Variants in HMGN3 observed in about 807,000 individuals in gnomAD.
HMGN3 encodes high mobility group nucleosomal binding domain 3.
In HMGN3, 6 loss-of-function variants were observed where a neutral mutation model predicts 18.8. That is an observed-to-expected ratio of 0.32 (90% CI 0.18 to 0.63). The LOEUF (loss-of-function observed/expected upper bound fraction) is 0.63. Among genes scored for constraint, HMGN3 ranks in the 30% least tolerant of loss-of-function variants. HMGN3 has a pLI of 0.79. For missense variants in HMGN3, 107 were observed against 114.2 expected (o/e 0.94, Z 0.29); for synonymous variants, 40 against 36.5 (o/e 1.10, Z -0.35).
chr6:79,212,263 C>T lies in HMGN3; in HGVS notation c.66+2709G>A, dbSNP rs191332059. On this transcript the variant is annotated intron_variant, in intron 2 of 5. Coordinates refer to ENST00000344726, the Ensembl canonical transcript of HMGN3. ...TGGTTCTGCTATTTACAAGTTCTAA[C>T]ACCCAGGGAAAATCATGTTTCTCTG... is the stretch of plus-strand genomic sequence containing the variant. Among the ~76,000 whole-genome samples the T allele has an allele frequency of 2.0e-3, 302 of 152,298 alleles. 1 individual carries two copies. The highest frequency in any genetic ancestry group is 6.8e-3 in the Middle Eastern group (2 of 294).
chr6:79,213,453 A>C (rs1776799514), intron 2 of HMGN3, among the ~76,000 whole-genome samples: 1 of 146,496 alleles, frequency 6.8e-6, no homozygotes, highest in Non-Finnish European at 1.5e-5. Context: ...CTAAGGAAAA[A>C]CCCAAATGCT....
intron 1 of HMGN3, among the ~76,000 whole-genome samples, chr6:79,224,336 A>C (rs1777454396): frequency 6.6e-6 from 1 of 152,218 alleles, no homozygotes; most frequent in Non-Finnish European, 1.5e-5. Context: ...CTAGAAGAGC[A>C]AAAGCCTTCC....
intron 3 of HMGN3, among the ~76,000 whole-genome samples, chr6:79,206,694 GT>G (rs1776438318): frequency 6.6e-6 from 1 of 152,240 alleles, no homozygotes; most frequent in Non-Finnish European, 1.5e-5. Flanking sequence ...GAACTGCCTA[GT>G]GGAGCTGTGA....
At chr6:79,224,449 C>T (rs1026980914) in intron 1 of HMGN3, among the ~76,000 whole-genome samples, 4 of 152,154 alleles carry the variant, frequency 2.6e-5, no homozygotes, top group African/African-American at 9.7e-5. Context: ...GAAATAATAA[C>T]AAACAATAAC....
chr6:79,232,617 C>A (rs1391410189), intron 1 of HMGN3, among the ~76,000 whole-genome samples: 1 of 148,948 alleles, frequency 6.7e-6, no homozygotes, highest in Non-Finnish European at 1.5e-5. Flanking sequence ...TTTTTTTTTC[C>A]TTCCGTCTCC....
At chr6:79,213,823 A>T (rs1776818625) in intron 2 of HMGN3, among the ~76,000 whole-genome samples, 1 of 152,220 alleles carries the variant, frequency 6.6e-6, no homozygotes, top group Non-Finnish European at 1.5e-5. Context: ...TAACCACATT[A>T]TGAATCACCC....
chr6:79,221,163 G>A (rs1221869232), intron 1 of HMGN3, among the ~76,000 whole-genome samples: 1 of 151,978 alleles, frequency 6.6e-6, no homozygotes, highest in Non-Finnish European at 1.5e-5. Context: ...ACATAACTAG[G>A]TTTACTCACA....
chr6:79,226,070 A>T (rs6931935), intron 1 of HMGN3, among the ~76,000 whole-genome samples: 1 of 152,104 alleles, frequency 6.6e-6, no homozygotes, highest in Non-Finnish European at 1.5e-5. Flanking sequence ...AAACATATAC[A>T]GAAAGTATTA....
chr6:79,225,344 C>T (rs746117433), intron 1 of HMGN3, among the ~76,000 whole-genome samples: 8 of 152,146 alleles, frequency 5.3e-5, no homozygotes, highest in Non-Finnish European at 1.0e-4. Context: ...ATCACTTGTA[C>T]ATTTAAAAAA....
At chr6:79,215,688 C>T (rs1450973952) in intron 1 of HMGN3, among the ~76,000 whole-genome samples, 1 of 152,126 alleles carries the variant, frequency 6.6e-6, no homozygotes, top group Non-Finnish European at 1.5e-5. Context: ...AAACCTGATT[C>T]CTTTAAAGGA....
intron 3 of HMGN3, among the ~76,000 whole-genome samples, chr6:79,204,458 G>T (rs550086580): frequency 6.6e-6 from 1 of 152,334 alleles, no homozygotes; most frequent in East Asian, 1.9e-4. Flanking sequence ...CCAGGGGCCT[G>T]AGACCAGGTG....
intron 2 of HMGN3, among the ~76,000 whole-genome samples, chr6:79,212,836 A>G (rs935445155): frequency 6.6e-6 from 1 of 152,180 alleles, no homozygotes; most frequent in South Asian, 2.1e-4. Context: ...GGAAAGAAAA[A>G]AAATCAATCA....
chr6:79,204,046 T>C (rs1776283152), intron 3 of HMGN3, among the ~76,000 whole-genome samples: 2 of 152,220 alleles, frequency 1.3e-5, no homozygotes, highest in African/African-American at 4.8e-5. Flanking sequence ...GCACAATCAC[T>C]AGCAAAGCCC....
intron 1 of HMGN3, among the ~76,000 whole-genome samples, chr6:79,224,725 CG>C: frequency 6.6e-6 from 1 of 152,278 alleles, no homozygotes; most frequent in Middle Eastern, 3.4e-3. Flanking sequence ...GCTTCCAAGA[CG>C]TCAAGTGACC....
At chr6:79,231,631 A>G (rs1170389918) in intron 1 of HMGN3, among the ~76,000 whole-genome samples, 1 of 152,244 alleles carries the variant, frequency 6.6e-6, no homozygotes, top group Non-Finnish European at 1.5e-5. Context: ...AGATGATATT[A>G]TAGCCCTGAA....
At chr6:79,202,208 G>T in intron 5 of HMGN3, 53 bp from the exon 6 acceptor site, 1 of 1,611,552 alleles carries the variant, frequency 6.2e-7, no homozygotes. Flanking sequence ...TGCTATCACC[G>T]GCTGAAGGAT....
At chr6:79,227,193 A>G (rs1303947605) in intron 1 of HMGN3, among the ~76,000 whole-genome samples, 3 of 152,234 alleles carry the variant, frequency 2.0e-5, no homozygotes, top group Middle Eastern at 3.2e-3. Context: ...AAATATAGGA[A>G]AAGAGGATCA....
At chr6:79,231,055 A>G (rs564441640) in intron 1 of HMGN3, among the ~76,000 whole-genome samples, 11 of 152,222 alleles carry the variant, frequency 7.2e-5, no homozygotes, top group Non-Finnish European at 1.5e-4. Flanking sequence ...TTAAGTGTCA[A>G]GAGACATGAC....
chr6:79,224,758 G>A (rs560934454), intron 1 of HMGN3, among the ~76,000 whole-genome samples: 1 of 152,278 alleles, frequency 6.6e-6, no homozygotes, highest in East Asian at 1.9e-4. Context: ...AAAAGTGGCA[G>A]AATTCACACT....
Sources: gnomAD v4.1 joint callset for allele counts (sites outside exome capture counted in the v4.1 genomes callset) on GRCh38, gnomAD v4.1.1 for gene constraint, MANE v1.5 for transcripts, NCBI Gene and HGNC (gene_info 2026-07-23, HGNC 2026-07-21) for gene names.